The following CEP131 variants were observed in gnomAD, a reference collection of about 807,000 sequenced individuals.
The protein encoded by CEP131 is centrosomal protein of 131 kDa.
In CEP131, 99 loss-of-function variants were observed where a neutral mutation model predicts 136.8. That is an observed-to-expected ratio of 0.72 (90% confidence interval 0.62 to 0.86). The LOEUF is 0.86. Among genes scored for constraint, CEP131 ranks in the 40% least tolerant of loss-of-function variants. CEP131 has a pLI of 0.00. For synonymous variants in CEP131, 646 were observed against 612.7 expected (o/e 1.05, Z -0.80); for missense variants, 1,459 against 1,463.0 (o/e 1.00, Z 0.04).
rs118151864 is a variant in CEP131 at position 81,195,934 on chromosome 17, C to T, written c.1917G>A (p.Lys639=). The change falls in exon 16 of 26, where the codon AAG becomes AAA. Residue 639 remains lysine, a synonymous_variant. Coordinates refer to ENST00000450824, the MANE Select transcript of CEP131 (RefSeq NM_014984.4). ...CAGCCTCGCACTTTTCACTCAGGAC[C>T]TTCTTGTCCTCAATCAGCTGTGTTG... ...AFIDQLIEDK[K]VLSEKCEAVV... 5.8e-3 allele frequency: 9,293 copies of T among 1,609,664 alleles called. 47 individuals are homozygous for T. The highest frequency in any genetic ancestry group is 0.015 in the Middle Eastern group (90 of 6,058).
Position 81,220,061 on chromosome 17 carries a change from G to A in CEP131, c.-5C>T. On this transcript the variant is annotated 5_prime_UTR_variant, in exon 2 of 26. Transcript: ENST00000450824. The stretch of plus-strand genomic sequence containing the variant: ...GATGGCCCGGGTGCCTTTCATGGTG[G>A]ACAAGGCAGGTCCTGAGCGGGGAAG... The A allele has an allele frequency of 1.3e-6, 2 of 1,570,014 alleles. No homozygotes were observed. Among genetic ancestry groups the A allele is most frequent in the Non-Finnish European group, 1.7e-6 (2 of 1,159,646 alleles).
chr17:81,192,953 CCCT>C, intron 18 of CEP131, 110 bp from the exon 19 acceptor site: 2 of 1,457,258 alleles, frequency 1.4e-6, no homozygotes, highest in Non-Finnish European at 1.8e-6. Flanking sequence ...TGGAGAGCAG[CCCT>C]CCGGGGCCCT....
rs2062324197 is a variant in CEP131, at chr17:81,219,069, C to A, written c.177+811G>T. 6.6e-6 allele frequency among the ~76,000 whole-genome samples: 1 copy of A among 152,158 alleles called. No homozygotes were observed. The highest frequency in any genetic ancestry group is 2.1e-4 in the South Asian group (1 of 4,834). On this transcript the variant is annotated intron_variant, in intron 2 of 25. Coordinates refer to ENST00000450824, the MANE Select transcript of CEP131 (RefSeq NM_014984.4). The surrounding 1 kb of genome is among the most constrained non-coding windows in gnomAD (Gnocchi z 4.0). ...TTCCTCCCTTGCCCCAAAGACTGGG[C>A]CTGGCAGACACCAACTCAGGGTGCA... is the stretch of plus-strand genomic sequence containing the variant.
chr17:81,216,421 C>A (rs1225920273), intron 2 of CEP131, among the ~76,000 whole-genome samples: 1 of 152,084 alleles, frequency 6.6e-6, no homozygotes, highest in African/African-American at 2.4e-5. Flanking sequence ...ATCCATGCTA[C>A]TCAGGATGCT....
chr17:81,218,583 C>CA (rs1488160730), intron 2 of CEP131, among the ~76,000 whole-genome samples: 3 of 152,272 alleles, frequency 2.0e-5, no homozygotes, highest in Non-Finnish European at 2.9e-5. Context: ...AGAGGCGTAC[C>CA]ACATCTTTAG....
Position 81,203,741 on chromosome 17 carries a change from G to A in CEP131, c.516-134C>T, listed in dbSNP as rs2061945838. On this transcript the variant is annotated intron_variant, in intron 5 of 25. Coordinates refer to ENST00000450824, the MANE Select transcript of CEP131 (RefSeq NM_014984.4). The surrounding 1 kb of genome is among the most constrained non-coding windows in gnomAD (Gnocchi z 4.6). The stretch of plus-strand genomic sequence containing the variant: ...CTTGCTACGTGCTGGCAGCATTGTC[G>A]TCCAGTGTCCCCAGGCCCCTTCCAC... 9 of 669,978 alleles carry A rather than the reference G, an allele frequency of 1.3e-5. No homozygotes were observed. The highest frequency in any genetic ancestry group is 2.7e-5 in the East Asian group (1 of 36,370). The allele number at this position is 669,978 out of a possible 1,614,324, so 41.5% of individuals were successfully genotyped here. A position where few individuals can be genotyped will look rare whatever the true frequency, so the allele number is the denominator to read the frequency against.
chr17:81,218,338 C>T (rs2062301980), intron 2 of CEP131, among the ~76,000 whole-genome samples: 1 of 152,230 alleles, frequency 6.6e-6, no homozygotes, highest in Admixed American at 6.5e-5. Context: ...CCACCTCGCC[C>T]AGCCCAGATC....
chr17:81,211,466 G>C (rs952248431), intron 2 of CEP131, among the ~76,000 whole-genome samples: 2 of 152,246 alleles, frequency 1.3e-5, no homozygotes, highest in Non-Finnish European at 2.9e-5. Flanking sequence ...CTGAGCACAG[G>C]CTTGGTGACC....
rs536618038 is a variant in CEP131, at chr17:81,203,333, G to A, written c.629+161C>T. ...CGTGCACTGACCACGTGCCCTGACCGAGGTTGGACCCCATGCACACTGACC... is the reference window on the plus strand; with the variant it reads ...CGTGCACTGACCACGTGCCCTGACCAAGGTTGGACCCCATGCACACTGACC... On this transcript the variant is annotated intron_variant, in intron 6 of 25. Transcript: ENST00000450824. This position sits in a 1 kb window ranked among gnomAD's most constrained non-coding sequence, Gnocchi z 4.6. 7.2e-5 allele frequency among the ~76,000 whole-genome samples: 11 copies of A among 152,318 alleles called. No individual in the cohort carries two copies. Among genetic ancestry groups the A allele is most frequent in the South Asian group, 2.1e-4 (1 of 4,832 alleles).
chr17:81,199,899 G>C (rs2061852157), intron 8 of CEP131, 64 bp from the exon 9 acceptor site: 25 of 1,545,362 alleles, frequency 1.6e-5, no homozygotes, highest in Non-Finnish European at 2.1e-5. Flanking sequence ...ACCCAGACCA[G>C]AGGTTTCCCC....
intron 17 of CEP131, among the ~76,000 whole-genome samples, 178 bp downstream of exon 17, chr17:81,194,692 G>A (rs1024589598): frequency 4.6e-5 from 7 of 152,228 alleles, no homozygotes; most frequent in Non-Finnish European, 1.5e-5. Context: ...CCTGCCCCCC[G>A]GGTCACGGCA....
At chr17:81,216,884 G>A (rs992993108) in intron 2 of CEP131, among the ~76,000 whole-genome samples, 7 of 152,218 alleles carry the variant, frequency 4.6e-5, no homozygotes, top group African/African-American at 1.7e-4. Flanking sequence ...CCTCCAAGAG[G>A]AAGATAAGGG....
At chr17:81,213,589 A>AACAG (rs1479637759) in intron 2 of CEP131, among the ~76,000 whole-genome samples, 7 of 151,968 alleles carry the variant, frequency 4.6e-5, no homozygotes, top group Non-Finnish European at 1.0e-4. Flanking sequence ...AATGAGGGTG[A>AACAG]ACAGACAAAT....
chr17:81,212,172 A>T (rs1297392022), intron 2 of CEP131, among the ~76,000 whole-genome samples: 2 of 151,214 alleles, frequency 1.3e-5, no homozygotes, highest in East Asian at 2.0e-4. Context: ...TATATATATA[A>T]ATTAGCCGGG....
Position 81,203,463 on chromosome 17 carries a change from G to A in CEP131, c.629+31C>T, listed in dbSNP as rs376632067. On this transcript the variant is annotated intron_variant, in intron 6 of 25. Transcript: ENST00000450824. The surrounding 1 kb of genome is among the most constrained non-coding windows in gnomAD (Gnocchi z 4.6). ...CATGCCCTAACTGAGGTCGGACCCC[G>A]CAGCCCCGCGGCCTCCCCAGAAGAC... 2.3e-5 allele frequency: 35 copies of A among 1,542,740 alleles called. No individual in the cohort carries two copies. In the East Asian group the frequency reaches 4.5e-4, roughly 20 times the overall value.
chr17:81,190,983 C>T lies in CEP131; in HGVS notation c.2867G>A (p.Gly956Glu), dbSNP rs2061627132. 1 of 1,607,698 alleles carries T rather than the reference C, an allele frequency of 6.2e-7. No individual in the cohort carries two copies. Among genetic ancestry groups the T allele is most frequent in the South Asian group, 1.1e-5 (1 of 91,090 alleles). The change falls in exon 23 of 26, where the codon GGG becomes GAG. Residue 956 changes from glycine (G) to glutamate (E), a missense_variant. This residue lies in a region of CEP131 where 1,026 missense variants were observed against 964.2 expected (regional missense o/e 1.06). Transcript: ENST00000450824. ...ACGCAGATTCTCGCCCTCGGCCTCCCCAAGCTGGCCCTTCAGCTCCGAGCA... is the reference window on the plus strand; with the variant it reads ...ACGCAGATTCTCGCCCTCGGCCTCCTCAAGCTGGCCCTTCAGCTCCGAGCA... ...ERCSELKGQL[G>E]EAEGENLRLQ...
At chr17:81,209,263 G>A (rs1598309182) in intron 2 of CEP131, among the ~76,000 whole-genome samples, 1 of 152,168 alleles carries the variant, frequency 6.6e-6, no homozygotes, top group Non-Finnish European at 1.5e-5. Context: ...CATCAAGCAG[G>A]AGCCCTTCAC....
rs143205584 is a variant in CEP131 at position 81,191,216 on chromosome 17, C to T, written c.2742G>A (p.Glu914=). The change falls in exon 22 of 26, where the codon GAG becomes GAA. Residue 914 remains glutamate (E), a synonymous_variant. Coordinates refer to ENST00000450824, the MANE Select transcript of CEP131 (RefSeq NM_014984.4). ...LEADMALAKE[E]SEKAAESRIK... ...ACCGGCTCTCGGCAGCCTTCTCACT[C>T]TCCTCCTTGGCCAGCGCCATGTCGG... 2 of 1,612,906 alleles carry T rather than the reference C, an allele frequency of 1.2e-6. No individual in the cohort carries two copies. The highest frequency in any genetic ancestry group is 1.7e-5 in the Admixed American group (1 of 60,026).
rs745847095 is a variant in CEP131 at position 81,203,657 on chromosome 17, C to A, written c.516-50G>T. The A allele has an allele frequency of 5.6e-6, 8 of 1,428,062 alleles. No homozygotes were observed. The highest frequency in any genetic ancestry group is 6.7e-6 in the Non-Finnish European group (7 of 1,041,288). The allele number at this position is 1,428,062 out of a possible 1,614,324, so 88.5% of individuals were successfully genotyped here. On this transcript the variant is annotated intron_variant, in intron 5 of 25. Transcript: ENST00000450824. This position sits in a 1 kb window ranked among gnomAD's most constrained non-coding sequence, Gnocchi z 4.6. ...AATGGTCAGGCCTCTGGAGGGGACG[C>A]CTGAGATCTCAGAGCTACACTCGCA...
Sources: gnomAD v4.1 joint callset for allele counts (sites outside exome capture counted in the v4.1 genomes callset) on GRCh38, gnomAD v4.1.1 for gene constraint, gnomAD v4.1.1 regional missense constraint, Gnocchi (gnomAD v3.1) non-coding constraint, MANE v1.5 for transcripts, NCBI Gene and HGNC (gene_info 2026-07-23, HGNC 2026-07-21) for gene names.